TRAK1: variants seen among roughly 807,000 people sequenced by gnomAD.
TRAK1 encodes the protein trafficking kinesin protein 1, also known as trafficking kinesin-binding protein 1.
Under a neutral mutation model 92.1 loss-of-function variants are expected in TRAK1, and 33 were observed. That is an observed-to-expected ratio of 0.36 (90% CI 0.27 to 0.48). The LOEUF (loss-of-function observed/expected upper bound fraction) is 0.48, where lower values mean the gene tolerates loss of function less well. TRAK1 is among the 20% of genes least tolerant of loss of function. TRAK1 has a pLI of 0.99. For missense variants in TRAK1, 1,123 were observed against 1,257.9 expected (o/e 0.89, Z 1.62); for synonymous variants, 521 against 517.3 (o/e 1.01, Z -0.10).
At chr3:42,063,314 TC>T (rs1703529383) in intron 1 of TRAK1, among the ~76,000 whole-genome samples, 1 of 152,222 alleles carries the variant, frequency 6.6e-6, no homozygotes, top group African/African-American at 2.4e-5. Flanking sequence ...TGAAGGAGCA[TC>T]CGGGTTTTGT....
At chr3:42,014,521 A>G (rs551541439) in intron 1 of TRAK1, among the ~76,000 whole-genome samples, 2 of 152,350 alleles carry the variant, frequency 1.3e-5, no homozygotes, top group East Asian at 3.9e-4. Flanking sequence ...TTGAGAGTTA[A>G]CAAGTTTACT....
intron 14 of TRAK1, chr3:42,210,190 T>G (rs376893627): frequency 7.8e-5 from 122 of 1,568,814 alleles, no homozygotes; most frequent in Non-Finnish European, 1.0e-4. Context: ...TGGGCCATTC[T>G]CACCTCTGTT....
intron 1 of TRAK1, among the ~76,000 whole-genome samples, chr3:42,039,922 G>T (rs1286822028): frequency 6.6e-6 from 1 of 152,126 alleles, no homozygotes. Context: ...CATCCTAGTG[G>T]GTATGAAGGG....
At chr3:42,054,195 ATGTGCTAAGTAC>A in intron 1 of TRAK1, among the ~76,000 whole-genome samples, 1 of 152,230 alleles carries the variant, frequency 6.6e-6, no homozygotes, top group East Asian at 1.9e-4. Context: ...AGGGCTCCTT[ATGTGCTAAGTAC>A]TGTGCTAAGC....
intron 9 of TRAK1, among the ~76,000 whole-genome samples, chr3:42,194,406 C>CT (rs1215818890): frequency 4.8e-3 from 45 of 9,408 alleles, no homozygotes; most frequent in South Asian, 0.042. Context: ...CTAATTTTTG[C>CT]TTTTTTTTTT....
At chr3:42,182,052 C>G (rs940144492) in intron 3 of TRAK1, among the ~76,000 whole-genome samples, 1 of 151,100 alleles carries the variant, frequency 6.6e-6, no homozygotes, top group Non-Finnish European at 1.5e-5. Flanking sequence ...ATCCTCCTGC[C>G]TTGGCCTTCC....
rs529560618 is a variant in TRAK1, at chr3:42,172,176, T to C, written c.287-4638T>C. Among the ~76,000 whole-genome samples the C allele has an allele frequency of 5.9e-5, 9 of 152,340 alleles. No homozygotes were observed. In the East Asian group the frequency reaches 1.5e-3, roughly 26 times the overall value. ...CTCCTCCAGCTCCTAGGAGGGTGTT[T>C]CTGTCAGGCAGACCTCCTGCCACTG... On this transcript the variant is annotated intron_variant, in intron 2 of 15. Transcript: ENST00000327628.
chr3:42,037,443 G>A (rs1008296938), intron 1 of TRAK1, among the ~76,000 whole-genome samples: 3 of 152,356 alleles, frequency 2.0e-5, no homozygotes, highest in East Asian at 1.9e-4. Context: ...AGAGGTGCCT[G>A]GCAAGTGTTG....
intron 1 of TRAK1, among the ~76,000 whole-genome samples, chr3:42,106,454 T>A (rs557690164): frequency 6.4e-4 from 98 of 152,244 alleles, no homozygotes; most frequent in Non-Finnish European, 7.4e-5. Flanking sequence ...GGTAAAGGGA[T>A]CAATTCAACA....
At chr3:42,060,337 G>T (rs1199875775) in intron 1 of TRAK1, among the ~76,000 whole-genome samples, 2 of 152,054 alleles carry the variant, frequency 1.3e-5, no homozygotes, top group South Asian at 2.1e-4. Flanking sequence ...ACCACGGTGG[G>T]GGGTGGGGGG....
chr3:42,223,786 C>G lies in TRAK1; in HGVS notation c.*49C>G, dbSNP rs1710587320. On this transcript the variant is annotated 3_prime_UTR_variant, in exon 16 of 16. Transcript: ENST00000327628. This position sits in a 1 kb window ranked among gnomAD's most constrained non-coding sequence, Gnocchi z 6.1. ...CTAGAGGAGACCCACGTTCTCCTCTCTTGCTCCCACCTCCCTCTCTTCCCC... is the reference window on the plus strand; with the variant it reads ...CTAGAGGAGACCCACGTTCTCCTCTGTTGCTCCCACCTCCCTCTCTTCCCC... 7.1e-7 allele frequency: 1 copy of G among 1,400,096 alleles called. No homozygotes were observed. The highest frequency in any genetic ancestry group is 1.8e-5 in the Admixed American group (1 of 54,374). The allele number at this position is 1,400,096 out of a possible 1,614,324, so 86.7% of individuals were successfully genotyped here. A position where few individuals can be genotyped will look rare whatever the true frequency, so the allele number is the denominator to read the frequency against.
upstream of TRAK1, among the ~76,000 whole-genome samples, chr3:42,088,201 G>T (rs1326362529): frequency 6.6e-6 from 1 of 152,280 alleles, no homozygotes; most frequent in Admixed American, 6.5e-5. Context: ...ATGCAAGTTG[G>T]CTTCCAGTAG....
intron 15 of TRAK1, among the ~76,000 whole-genome samples, chr3:42,220,076 T>C (rs1020579102): frequency 6.6e-6 from 1 of 152,142 alleles, no homozygotes; most frequent in Non-Finnish European, 1.5e-5. Context: ...TAAAGTCTGT[T>C]GGATTTTTTG....
At chr3:42,056,582 C>T (rs1000135939) in intron 1 of TRAK1, among the ~76,000 whole-genome samples, 1 of 152,030 alleles carries the variant, frequency 6.6e-6, no homozygotes, top group Non-Finnish European at 1.5e-5. Flanking sequence ...AAGTTATTAG[C>T]TGATTATTAA....
chr3:42,217,789 G>A, intron 14 of TRAK1: 1 of 984,992 alleles, frequency 1.0e-6, no homozygotes, highest in Non-Finnish European at 1.2e-6. Context: ...TGTTATTTTT[G>A]TTTCTAGACC....
chr3:42,130,339 C>A (rs1041350385), intron 2 of TRAK1, among the ~76,000 whole-genome samples: 1 of 151,392 alleles, frequency 6.6e-6, no homozygotes, highest in African/African-American at 2.4e-5. Context: ...AAATCCATAT[C>A]TCACCTGCAT....
intron 1 of TRAK1, among the ~76,000 whole-genome samples, chr3:42,064,154 A>G (rs1038510314): frequency 6.6e-6 from 1 of 152,194 alleles, no homozygotes; most frequent in African/African-American, 2.4e-5. Context: ...TGGTAATGAT[A>G]CATCACAAAA....
intron 2 of TRAK1, chr3:42,149,440 G>T (rs192013055): frequency 2.4e-5 from 36 of 1,524,440 alleles, no homozygotes; most frequent in Non-Finnish European, 2.5e-5. Context: ...ATATTCTTCT[G>T]TCCAGTATTC....
At chr3:42,147,542 A>G (rs936155378) in intron 2 of TRAK1, among the ~76,000 whole-genome samples, 6 of 152,220 alleles carry the variant, frequency 3.9e-5, no homozygotes, top group African/African-American at 1.4e-4. Context: ...CCACTGCAGC[A>G]TGCGGGGATG....
Sources: gnomAD v4.1 joint callset for allele counts (sites outside exome capture counted in the v4.1 genomes callset) on GRCh38, gnomAD v4.1.1 for gene constraint, Gnocchi (gnomAD v3.1) non-coding constraint, MANE v1.5 for transcripts, NCBI Gene and HGNC (gene_info 2026-07-23, HGNC 2026-07-21) for gene names.